TEC: variants seen among roughly 807,000 people sequenced by gnomAD.
The protein encoded by TEC is tyrosine-protein kinase Tec.
A neutral mutation model predicts 93.0 loss-of-function variants in TEC; 72 were observed. The observed-to-expected ratio is 0.77, with a 90% CI of 0.64 to 0.94. The LOEUF (loss-of-function observed/expected upper bound fraction) is 0.94, where lower values mean the gene tolerates loss of function less well. Among genes scored for constraint, TEC ranks in the 40% least tolerant of loss-of-function variants. TEC has a pLI of 0.00. For missense variants in TEC, 630 were observed against 757.9 expected (o/e 0.83, Z 1.98); for synonymous variants, 249 against 247.7 (o/e 1.01, Z -0.05).
chr4:48,219,222 G>A (rs1254861703), intron 2 of TEC, among the ~76,000 whole-genome samples: 1 of 152,236 alleles, frequency 6.6e-6, no homozygotes, highest in East Asian at 1.9e-4. Context: ...AAGGCAAGAG[G>A]TGAACCTTCT....
chr4:48,180,368 T>A (rs1284184697), intron 2 of TEC, among the ~76,000 whole-genome samples: 1 of 151,858 alleles, frequency 6.6e-6, no homozygotes, highest in Non-Finnish European at 1.5e-5. Context: ...AGTGCTGGAG[T>A]TTCAAAGTTA....
chr4:48,186,920 A>G (rs4594696), intron 2 of TEC, among the ~76,000 whole-genome samples: 123,812 of 152,150 alleles, frequency 0.81, 50,505 homozygotes, highest in East Asian at 0.95. Flanking sequence ...CCGCCACCCC[A>G]TCTGGGAGGT....
intron 1 of TEC, among the ~76,000 whole-genome samples, chr4:48,257,641 G>A (rs577869970): frequency 3.9e-5 from 6 of 152,244 alleles, no homozygotes; most frequent in African/African-American, 1.4e-4. Context: ...TGATACTCTA[G>A]GTAAAGAGCT....
chr4:48,174,485 C>T (rs1477293140), intron 3 of TEC, among the ~76,000 whole-genome samples: 2 of 152,078 alleles, frequency 1.3e-5, no homozygotes, highest in Admixed American at 6.5e-5. Flanking sequence ...ATGGTGAAAC[C>T]CTGTCTCTAC....
chr4:48,206,945 T>A (rs1439625463), intron 2 of TEC, among the ~76,000 whole-genome samples: 1 of 151,332 alleles, frequency 6.6e-6, no homozygotes, highest in African/African-American at 2.4e-5. Flanking sequence ...GGTAACAGAG[T>A]GGAACTAAGT....
chr4:48,178,444 T>G (rs1435884245), intron 2 of TEC, among the ~76,000 whole-genome samples: 1 of 144,288 alleles, frequency 6.9e-6, no homozygotes, highest in Admixed American at 6.7e-5. Context: ...ACTGAACACA[T>G]GTTATCTCAT....
chr4:48,219,451 C>T (rs1223420301), intron 2 of TEC, among the ~76,000 whole-genome samples: 1 of 152,226 alleles, frequency 6.6e-6, no homozygotes, highest in Non-Finnish European at 1.5e-5. Context: ...TGGTGCTGTG[C>T]TTCAATGGTC....
At position 48,167,763 on chromosome 4, in the gene TEC, A is replaced by G. The variant is rs750421177; in HGVS notation, c.671+15T>C. On this transcript the variant is annotated intron_variant, in intron 7 of 17. Transcript: ENST00000381501. ...CCTACCCACTGCATATCACACACAT[A>G]GAGGGAATACTTACCCATATTTATC... The G allele has an allele frequency of 1.9e-6, 3 of 1,612,666 alleles. No homozygotes were observed. The highest frequency in any genetic ancestry group is 2.2e-5 in the South Asian group (2 of 90,946).
At chr4:48,167,586 T>C (rs1720920236) in intron 7 of TEC, among the ~76,000 whole-genome samples, 192 bp downstream of exon 7, 1 of 152,128 alleles carries the variant, frequency 6.6e-6, no homozygotes, top group Admixed American at 6.5e-5. Context: ...TGAAAAGAAG[T>C]GATTGATCAA....
chr4:48,169,240 G>A (rs560828985), intron 5 of TEC, among the ~76,000 whole-genome samples: 5 of 152,090 alleles, frequency 3.3e-5, no homozygotes, highest in African/African-American at 4.8e-5. Context: ...CCCCAGCCCC[G>A]GGTCACCCAC....
Position 48,146,335 on chromosome 4 carries a change from T to C in TEC, c.1071A>G (p.Gly357=). 6.2e-7 allele frequency: 1 copy of C among 1,613,758 alleles called. No individual in the cohort carries two copies. Among genetic ancestry groups the C allele is most frequent in the Non-Finnish European group, 8.5e-7 (1 of 1,179,760 alleles). The change falls in exon 12 of 18, where the codon GGA becomes GGG. Residue 357 remains glycine (G), a synonymous_variant. Coordinates refer to ENST00000381501, the MANE Select transcript of TEC (RefSeq NM_003215.3). ...VKGKNAPTTA[G]FSYEKWEINP... is the part of the protein sequence containing the mutation. ...CAAAATAAGAGTTACCATAGCTGAA[T>C]CCTGCAGTGGTGGGTGCATTCTTCC...
At chr4:48,229,532 T>A (rs917026563) in intron 1 of TEC, among the ~76,000 whole-genome samples, 2 of 152,272 alleles carry the variant, frequency 1.3e-5, no homozygotes. Flanking sequence ...CTCACGCCTG[T>A]TATCCCAGCA....
chr4:48,247,799 T>C (rs1157953848), intron 1 of TEC, among the ~76,000 whole-genome samples: 1 of 152,220 alleles, frequency 6.6e-6, no homozygotes, highest in Admixed American at 6.5e-5. Context: ...CATAGCATCA[T>C]AAATATAGTA....
At chr4:48,222,878 A>G (rs879900608) in intron 2 of TEC, among the ~76,000 whole-genome samples, 4 of 152,000 alleles carry the variant, frequency 2.6e-5, no homozygotes, top group Non-Finnish European at 4.4e-5. Flanking sequence ...TCCTCACAAT[A>G]TATCTCCTTT....
chr4:48,200,184 T>C (rs946959260), intron 2 of TEC, among the ~76,000 whole-genome samples: 6 of 150,016 alleles, frequency 4.0e-5, no homozygotes, highest in African/African-American at 1.5e-4. Flanking sequence ...AGGGAGGGGA[T>C]ACACGGGTTC....
chr4:48,212,563 G>A (rs1460161672), intron 2 of TEC, among the ~76,000 whole-genome samples: 3 of 152,310 alleles, frequency 2.0e-5, no homozygotes, highest in South Asian at 2.1e-4. Flanking sequence ...ATGGGGCACT[G>A]AAGACAACAG....
Position 48,176,204 on chromosome 4 carries a change from G to C in TEC, c.139-18C>G. On this transcript the variant is annotated intron_variant, in intron 2 of 17. Transcript: ENST00000381501. ...TATTTCTTCTGTTAAAAGAAAAAAA[G>C]GAGAAACATTAGAATCATAAGACAT... The C allele has an allele frequency of 1.3e-6, 2 of 1,564,164 alleles. No individual in the cohort carries two copies. The highest frequency in any genetic ancestry group is 1.8e-6 in the Non-Finnish European group (2 of 1,138,032).
chr4:48,144,517 A>G (rs921979540), intron 14 of TEC, among the ~76,000 whole-genome samples: 1 of 152,180 alleles, frequency 6.6e-6, no homozygotes, highest in Non-Finnish European at 1.5e-5. Context: ...ACAGGTGAGA[A>G]GGGAAAAATT....
intron 1 of TEC, among the ~76,000 whole-genome samples, chr4:48,254,882 ACCTAAAAG>A (rs1402156684): frequency 1.2e-3 from 184 of 152,228 alleles, no homozygotes; most frequent in African/African-American, 4.1e-3. Flanking sequence ...GGGCTTACTG[ACCTAAAAG>A]GGACACAGCA....
Sources: allele counts gnomAD v4.1 joint callset (sites outside exome capture counted in the v4.1 genomes callset), GRCh38; gene constraint gnomAD v4.1.1; transcripts MANE v1.5; gene names NCBI Gene and HGNC (gene_info 2026-07-23, HGNC 2026-07-21).